Variants in ACCSL observed in about 807,000 individuals in gnomAD.
ACCSL encodes the protein probable inactive 1-aminocyclopropane-1-carboxylate synthase-like protein 2.
Under a neutral mutation model 61.7 loss-of-function variants are expected in ACCSL, and 55 were observed. That is an observed-to-expected ratio of 0.89 (90% CI 0.72 to 1.12). The LOEUF (loss-of-function observed/expected upper bound fraction) is 1.12, where lower values mean the gene tolerates loss of function less well. Ranked by LOEUF, ACCSL falls within the 50% of genes most tolerant of loss-of-function variation. The pLI, the probability that ACCSL is intolerant of heterozygous loss-of-function variation, is 0.00. For missense variants in ACCSL, 632 were observed against 698.0 expected (o/e 0.91, Z 1.07); for synonymous variants, 258 against 264.3 (o/e 0.98, Z 0.23).
upstream of ACCSL, among the ~76,000 whole-genome samples, chr11:44,045,050 A>G (rs142689130): frequency 5.7e-3 from 861 of 152,314 alleles, 13 homozygotes; most frequent in African/African-American, 0.02. Flanking sequence ...TGTCATTTAC[A>G]ATAGACTTTT....
At chr11:43,934,235 C>T in the ACCSL span, among the ~76,000 whole-genome samples, 3 of 152,178 alleles carry the variant, frequency 2.0e-5, no homozygotes, top group Non-Finnish European at 2.9e-5. Context: ...TGCTCCCAGT[C>T]GTACCAGACG....
chr11:43,956,976 A>G, the ACCSL span, among the ~76,000 whole-genome samples: 1 of 152,168 alleles, frequency 6.6e-6, no homozygotes, highest in South Asian at 2.1e-4. Context: ...CAGTGAATCT[A>G]TATTTTACAT....
the ACCSL span, among the ~76,000 whole-genome samples, chr11:44,033,977 G>A: frequency 6.6e-6 from 1 of 151,936 alleles, no homozygotes; most frequent in Non-Finnish European, 1.5e-5. Flanking sequence ...AGGGATGGGG[G>A]TGGGGGCAGT....
chr11:44,017,289 G>T, the ACCSL span, among the ~76,000 whole-genome samples: 1 of 152,202 alleles, frequency 6.6e-6, no homozygotes, highest in Non-Finnish European at 1.5e-5. Context: ...GATGTCCCAT[G>T]CAAGGCCTGG....
chr11:44,034,277 TG>T, the ACCSL span, among the ~76,000 whole-genome samples: 14 of 152,120 alleles, frequency 9.2e-5, no homozygotes, highest in African/African-American at 3.4e-4. Flanking sequence ...GAGGCACAGG[TG>T]GGACTTGGCA....
chr11:44,045,439 C>G (rs1485041350), upstream of ACCSL, among the ~76,000 whole-genome samples: 1 of 151,948 alleles, frequency 6.6e-6, no homozygotes, highest in Admixed American at 6.6e-5. Context: ...GATTCTGTCT[C>G]AAAAACAAAC....
chr11:43,947,202 G>A, the ACCSL span: 1 of 152,354 alleles, frequency 6.6e-6, no homozygotes, highest in South Asian at 2.1e-4. Flanking sequence ...TAAGCAAGCA[G>A]CTCTCCCGTG....
At chr11:44,021,522 C>A in the ACCSL span, among the ~76,000 whole-genome samples, 1 of 151,912 alleles carries the variant, frequency 6.6e-6, no homozygotes, top group Non-Finnish European at 1.5e-5. Flanking sequence ...ATATTAGTTC[C>A]TTGTTGGATG....
At chr11:44,027,403 C>T in the ACCSL span, among the ~76,000 whole-genome samples, 296 of 152,320 alleles carry the variant, frequency 1.9e-3, 2 homozygotes, top group Non-Finnish European at 1.4e-3. Context: ...TCTGCTTTTG[C>T]TTTTTAAATC....
At chr11:43,948,338 C>T in the ACCSL span, among the ~76,000 whole-genome samples, 1,580 of 148,174 alleles carry the variant, frequency 0.011, 32 homozygotes, top group African/African-American at 0.037. Flanking sequence ...TGAGCACCTC[C>T]GATCAACACT....
the ACCSL span, among the ~76,000 whole-genome samples, chr11:44,003,642 C>CAA: frequency 0.17 from 23,440 of 141,166 alleles, 2,451 homozygotes; most frequent in Admixed American, 0.28. Context: ...GACTTTGTCT[C>CAA]AAAAAAAAAA....
chr11:44,001,277 A>C, the ACCSL span: 1 of 152,056 alleles, frequency 6.6e-6, no homozygotes, highest in Non-Finnish European at 1.5e-5. Flanking sequence ...ATTTGTACGC[A>C]AAATGAAATT....
chr11:43,956,830 C>G, the ACCSL span, among the ~76,000 whole-genome samples: 1 of 152,086 alleles, frequency 6.6e-6, no homozygotes, highest in African/African-American at 2.4e-5. Flanking sequence ...GGGAAAAATG[C>G]GAGTCACAGA....
chr11:43,985,982 C>T, the ACCSL span, among the ~76,000 whole-genome samples: 4 of 126,902 alleles, frequency 3.2e-5, no homozygotes, highest in Admixed American at 3.3e-4. Context: ...ATATAATAAA[C>T]AAACAAACAA....
At chr11:44,033,796 A>G in the ACCSL span, among the ~76,000 whole-genome samples, 3 of 152,254 alleles carry the variant, frequency 2.0e-5, no homozygotes, top group African/African-American at 7.2e-5. Context: ...CCCAGAAAAG[A>G]CTGACTTCAC....
chr11:43,976,467 T>C, the ACCSL span, among the ~76,000 whole-genome samples: 5 of 152,200 alleles, frequency 3.3e-5, no homozygotes, highest in Non-Finnish European at 5.9e-5. Flanking sequence ...AACTTCAAAG[T>C]CTAAGTATTT....
At position 44,048,234 on chromosome 11, in the gene ACCSL, G is replaced by A; in HGVS notation, c.198G>A (p.Glu66=). The change falls in exon 1 of 14, where the codon GAG becomes GAA. Residue 66 remains glutamate (E), a synonymous_variant. Transcript: ENST00000378832. ...EERRHTEAIC[E]HEALLSRLIC... The stretch of plus-strand genomic sequence containing the variant: ...GGAGGCACACTGAGGCCATCTGTGA[G>A]CATGAAGCCCTTCTGAGTCGCTTAA... The A allele has an allele frequency of 6.2e-7, 1 of 1,614,160 alleles. No individual in the cohort carries two copies. Among genetic ancestry groups the A allele is most frequent in the South Asian group, 1.1e-5 (1 of 91,084 alleles).
chr11:43,957,895 C>T, the ACCSL span, among the ~76,000 whole-genome samples: 3 of 152,158 alleles, frequency 2.0e-5, no homozygotes, highest in African/African-American at 7.2e-5. Flanking sequence ...TCTTTGGAAT[C>T]CCCTTGGTCA....
At chr11:44,050,178 C>A in intron 2 of ACCSL, 57 bp downstream of exon 2, 1 of 1,458,012 alleles carries the variant, frequency 6.9e-7, no homozygotes, top group Non-Finnish European at 9.6e-7. Flanking sequence ...GTCCCCCTAG[C>A]GTGCTCCTGA....
Sources: gnomAD v4.1 joint callset for allele counts (sites outside exome capture counted in the v4.1 genomes callset) on GRCh38, gnomAD v4.1.1 for gene constraint, MANE v1.5 for transcripts, NCBI Gene and HGNC (gene_info 2026-07-23, HGNC 2026-07-21) for gene names.